Variants in DAPK2 observed in about 807,000 individuals in gnomAD.
DAPK2 encodes the protein death-associated protein kinase 2.
DAPK2 carries 35 observed loss-of-function variants against 44.1 expected under a neutral mutation model. That is an observed-to-expected ratio of 0.79 (90% confidence interval 0.61 to 1.05). The LOEUF (loss-of-function observed/expected upper bound fraction) is 1.05, where lower values mean the gene tolerates loss of function less well. Ranked by LOEUF, DAPK2 falls within the 50% of genes least tolerant of loss-of-function variation. The pLI is 0.00. For synonymous variants in DAPK2, 174 were observed against 182.6 expected (o/e 0.95, Z 0.38); for missense variants, 453 against 483.2 (o/e 0.94, Z 0.59).
chr15:63,988,952 G>C (rs979273679), intron 1 of DAPK2, among the ~76,000 whole-genome samples: 4 of 151,842 alleles, frequency 2.6e-5, no homozygotes, highest in African/African-American at 9.7e-5. Flanking sequence ...GGCTGAGGCA[G>C]GGGGATCACT....
chr15:63,977,215 T>C (rs1240238450), intron 2 of DAPK2, among the ~76,000 whole-genome samples: 1 of 152,146 alleles, frequency 6.6e-6, no homozygotes, highest in Non-Finnish European at 1.5e-5. Context: ...CAGGGTTGAG[T>C]AGGGTGTGGC....
intron 3 of DAPK2, chr15:63,942,273 G>A (rs532500683): frequency 5.4e-5 from 53 of 985,008 alleles, no homozygotes; most frequent in East Asian, 1.1e-4. Context: ...AGGGCAGGCC[G>A]GGCACAGTGG....
At chr15:63,970,717 G>A (rs1351748661) in intron 3 of DAPK2, among the ~76,000 whole-genome samples, 1 of 152,218 alleles carries the variant, frequency 6.6e-6, no homozygotes, top group Non-Finnish European at 1.5e-5. Flanking sequence ...ATCAAAGTTA[G>A]AGGACTTTAC....
chr15:63,999,567 G>A (rs762510796), intron 1 of DAPK2, among the ~76,000 whole-genome samples: 1 of 152,086 alleles, frequency 6.6e-6, no homozygotes, highest in Non-Finnish European at 1.5e-5. Flanking sequence ...ATCAGTAGGG[G>A]TCTTTTCCTT....
intron 1 of DAPK2, among the ~76,000 whole-genome samples, chr15:64,022,678 G>C (rs2079722038): frequency 1.3e-5 from 2 of 152,120 alleles, no homozygotes; most frequent in South Asian, 2.1e-4. Flanking sequence ...AATTAGCTGG[G>C]TGTGGTCATG....
intron 3 of DAPK2, among the ~76,000 whole-genome samples, chr15:63,962,381 C>T (rs2140646531): frequency 6.6e-6 from 1 of 152,340 alleles, no homozygotes; most frequent in African/African-American, 2.4e-5. Context: ...CAGCTTTGTT[C>T]CATTGCTGGC....
chr15:64,024,440 A>T (rs138327957), intron 1 of DAPK2, among the ~76,000 whole-genome samples: 89 of 152,324 alleles, frequency 5.8e-4, no homozygotes, highest in African/African-American at 2.1e-3. Flanking sequence ...TTATTCGGAC[A>T]TTAAAGGACA....
chr15:64,027,097 G>A (rs2079869189), intron 1 of DAPK2, among the ~76,000 whole-genome samples: 1 of 151,684 alleles, frequency 6.6e-6, no homozygotes, highest in Non-Finnish European at 1.5e-5. Context: ...TATAAAACAT[G>A]AGGCCAGGTG....
chr15:63,949,544 C>T (rs927197548), intron 3 of DAPK2, among the ~76,000 whole-genome samples: 1 of 152,170 alleles, frequency 6.6e-6, no homozygotes, highest in African/African-American at 2.4e-5. Context: ...GGCCTGGATT[C>T]AGGCATTCTG....
chr15:63,927,601 G>A (rs1403928203), intron 6 of DAPK2, among the ~76,000 whole-genome samples: 1 of 152,204 alleles, frequency 6.6e-6, no homozygotes, highest in Non-Finnish European at 1.5e-5. Context: ...CAGACAGGGA[G>A]CCCCAGCAAG....
upstream of DAPK2, among the ~76,000 whole-genome samples, chr15:64,043,211 A>G (rs2053677286): frequency 6.6e-6 from 1 of 152,218 alleles, no homozygotes; most frequent in Admixed American, 6.5e-5. Context: ...AGGGGTATAC[A>G]CTGGGACCAC....
chr15:63,953,147 C>T (rs2077636554), intron 3 of DAPK2, among the ~76,000 whole-genome samples: 2 of 152,046 alleles, frequency 1.3e-5, no homozygotes, highest in South Asian at 2.1e-4. Flanking sequence ...ACCCTTCCCC[C>T]GAGTCCCCAA....
intron 3 of DAPK2, among the ~76,000 whole-genome samples, chr15:63,965,746 A>G (rs143756197): frequency 0.026 from 4,029 of 152,262 alleles, 102 homozygotes; most frequent in South Asian, 0.12. Flanking sequence ...CCCCAGGCCT[A>G]TGGCAAGTAC....
At chr15:63,947,923 G>GT (rs2077490643) in intron 3 of DAPK2, among the ~76,000 whole-genome samples, 1 of 152,058 alleles carries the variant, frequency 6.6e-6, no homozygotes, top group Non-Finnish European at 1.5e-5. Context: ...CAAGAGCTCT[G>GT]TGAGTGAGTC....
chr15:63,956,903 CTT>C (rs2077739951), intron 3 of DAPK2, among the ~76,000 whole-genome samples: 1 of 152,142 alleles, frequency 6.6e-6, no homozygotes, highest in Admixed American at 6.5e-5. Context: ...TTTTTAAAGA[CTT>C]TTATTGTGGC....
intron 3 of DAPK2, among the ~76,000 whole-genome samples, chr15:63,959,654 C>T (rs1167522193): frequency 3.3e-5 from 5 of 152,100 alleles, no homozygotes; most frequent in African/African-American, 7.2e-5. Flanking sequence ...TGATGGATTA[C>T]GTTTATTGAT....
chr15:64,019,211 G>A (rs1383243316), intron 1 of DAPK2, among the ~76,000 whole-genome samples: 1 of 152,140 alleles, frequency 6.6e-6, no homozygotes, highest in Non-Finnish European at 1.5e-5. Context: ...CCCACCTCTG[G>A]GCCAAGCGGA....
intron 1 of DAPK2, among the ~76,000 whole-genome samples, chr15:64,001,790 T>A (rs2079092004): frequency 6.6e-6 from 1 of 152,180 alleles, no homozygotes; most frequent in African/African-American, 2.4e-5. Flanking sequence ...TCCCAGGTGA[T>A]CCACATACAC....
At chr15:64,019,429 C>T (rs938574346) in intron 1 of DAPK2, among the ~76,000 whole-genome samples, 2 of 152,216 alleles carry the variant, frequency 1.3e-5, no homozygotes, top group African/African-American at 4.8e-5. Context: ...TACGGTACTA[C>T]CCAGTGTCCA....
Sources: allele counts gnomAD v4.1 joint callset (sites outside exome capture counted in the v4.1 genomes callset), GRCh38; gene constraint gnomAD v4.1.1; transcripts MANE v1.5; gene names NCBI Gene and HGNC (gene_info 2026-07-23, HGNC 2026-07-21).